Variants in IGSF3 observed in about 807,000 individuals in gnomAD.
IGSF3 encodes immunoglobulin superfamily member 3.
Under a neutral mutation model 114.4 loss-of-function variants are expected in IGSF3, and 23 were observed. The observed-to-expected ratio is 0.20, with a 90% CI of 0.14 to 0.28. The LOEUF is 0.28. Among genes scored for constraint, IGSF3 ranks in the 10% least tolerant of loss-of-function variants. The probability of loss-of-function intolerance (pLI) is 1.00; values close to 1 mark genes in which losing one functional copy is unlikely to be tolerated. For missense variants in IGSF3, 1,172 were observed against 1,591.5 expected, an observed-to-expected ratio of 0.74 and a Z score of 4.48; for synonymous variants, 571 against 645.2, an observed-to-expected ratio of 0.88 and a Z score of 1.74.
At chr1:116,613,738 C>G in intron 4 of IGSF3, 27 bp downstream of exon 4, 3 of 1,598,972 alleles carry the variant, frequency 1.9e-6, no homozygotes, top group East Asian at 2.2e-5. Flanking sequence ...AAGTAAAGGA[C>G]AGGACAAGAG....
intron 2 of IGSF3, among the ~76,000 whole-genome samples, chr1:116,645,488 C>A (rs1371052073): frequency 6.6e-6 from 1 of 152,198 alleles, no homozygotes; most frequent in African/African-American, 2.4e-5. Flanking sequence ...CTGGTGAGTT[C>A]CGTTGTATGT....
chr1:116,579,630 G>A lies in IGSF3; in HGVS notation c.3096C>T (p.Ala1032=), dbSNP rs1482057878. The change falls in exon 10 of 11, where the codon GCC becomes GCT. Residue 1032 remains alanine (A), a synonymous_variant. Transcript: ENST00000369486. The surrounding 1 kb of genome is among the most constrained non-coding windows in gnomAD (Gnocchi z 6.4). ...DDDDDPTERT[A]LLSVGPDAVF... ...CAGCATCTGGGCCCACGCTCAGCAGGGCCGTCCGCTCTGTTGGGTCGTCGT... is the reference window on the plus strand; with the variant it reads ...CAGCATCTGGGCCCACGCTCAGCAGAGCCGTCCGCTCTGTTGGGTCGTCGT... 6.2e-7 allele frequency: 1 copy of A among 1,613,616 alleles called. No homozygotes were observed. Among genetic ancestry groups the A allele is most frequent in the African/African-American group, 1.3e-5 (1 of 74,812 alleles).
chr1:116,660,692 T>C (rs542052685), intron 2 of IGSF3, among the ~76,000 whole-genome samples: 19 of 152,134 alleles, frequency 1.2e-4, no homozygotes, highest in African/African-American at 4.1e-4. Context: ...TCCACCCACC[T>C]TGGCCTCCCA....
In IGSF3 at chr1:116,577,698, AC is replaced by A; in HGVS notation, c.3335-137del. On this transcript the variant is annotated intron_variant, in intron 10 of 10. Coordinates refer to ENST00000369486, the MANE Select transcript of IGSF3 (RefSeq NM_001007237.3). The surrounding 1 kb of genome is among the most constrained non-coding windows in gnomAD (Gnocchi z 5.7). The stretch of plus-strand genomic sequence containing the variant: ...CACACCACCTTGTCTTTCCCCTGCT[AC>A]CATTAATGGTGGAAGATGACCCTTA... 1.4e-6 allele frequency: 1 copy of A among 731,792 alleles called. No individual in the cohort carries two copies. Among genetic ancestry groups the A allele is most frequent in the Non-Finnish European group, 2.3e-6 (1 of 440,056 alleles). The allele number at this position is 731,792 out of a possible 1,614,324, so 45.3% of individuals were successfully genotyped here. A position where few individuals can be genotyped will look rare whatever the true frequency, so the allele number is the denominator to read the frequency against.
Position 116,614,692 on chromosome 1 carries a change from C to A in IGSF3, c.422-517G>T, listed in dbSNP as rs1330819049. ...CTAGGAAGATGATTTTTTTAAAAAA[C>A]CATTTTTGGTAGAAAAAATAATCAT... On this transcript the variant is annotated intron_variant, in intron 3 of 10. Transcript: ENST00000369486. This position sits in a 1 kb window ranked among gnomAD's most constrained non-coding sequence, Gnocchi z 4.5. Among the ~76,000 whole-genome samples, 2 of 152,180 alleles carry A rather than the reference C, an allele frequency of 1.3e-5. No individual in the cohort carries two copies. Among genetic ancestry groups the A allele is most frequent in the South Asian group, 2.1e-4 (1 of 4,816 alleles).
chr1:116,614,132 C>A lies in IGSF3; in HGVS notation c.465G>T (p.Leu155=), dbSNP rs767544282. The A allele has an allele frequency of 1.2e-6, 2 of 1,613,694 alleles. No individual in the cohort carries two copies. The highest frequency in any genetic ancestry group is 4.5e-5 in the East Asian group (2 of 44,878). Residue 155 remains leucine (L), a synonymous_variant, in exon 4 of 11, where the codon CTG becomes CTT. Coordinates refer to ENST00000369486, the MANE Select transcript of IGSF3 (RefSeq NM_001007237.3). This position sits in a 1 kb window ranked among gnomAD's most constrained non-coding sequence, Gnocchi z 4.5. The stretch of plus-strand genomic sequence containing the variant: ...CCAGCGGGTCCTGCTCCACTCTGTG[C>A]AGAGTCTGGGGCATGGCAGTGGTCT... ...SLQTTAMPQT[L]HRVEQDPLEL...
In IGSF3 at chr1:116,666,292, G is replaced by C. The variant is rs1467130799; in HGVS notation, c.35C>G (p.Ala12Gly). The C allele has an allele frequency of 1.9e-6, 3 of 1,614,018 alleles. No homozygotes were observed. The Admixed American group carries it at 5.0e-5, about 27-fold the overall frequency. Residue 12 changes from alanine to glycine, a missense_variant, in exon 2 of 11, where the codon GCT becomes GGT. Ala to Gly is a moderately conservative substitution (Grantham distance 60, BLOSUM62 0). This residue lies in a region of IGSF3 where 736 missense variants were observed against 1,042.0 expected (regional missense o/e 0.71). Coordinates refer to ENST00000369486, the MANE Select transcript of IGSF3 (RefSeq NM_001007237.3). ...TAAGCAGAGCCACTTACCCAGCACA[G>C]CCAGACAGCTCAGCACCGGGAAAAA... Reference protein sequence around the residue: ...KCFFPVLSCLAVLGVVSAQRQ... With the variant: ...KCFFPVLSCLGVLGVVSAQRQ...
chr1:116,621,217 GC>G (rs1306368777), intron 2 of IGSF3, among the ~76,000 whole-genome samples: 2 of 152,108 alleles, frequency 1.3e-5, no homozygotes, highest in Non-Finnish European at 2.9e-5. Flanking sequence ...TCCTGTGGTT[GC>G]CCCAGAAGCC....
Position 116,649,171 on chromosome 1 carries a change from C to T in IGSF3, c.43+17113G>A, listed in dbSNP as rs1648523950. ...GTCTGGTCCTGGAAGGACAGCCCTC[C>T]CCGTCTTGGCAGCCACACTTTCTGG... is the stretch of plus-strand genomic sequence containing the variant. On this transcript the variant is annotated intron_variant, in intron 2 of 10. Coordinates refer to ENST00000369486, the MANE Select transcript of IGSF3 (RefSeq NM_001007237.3). This position sits in a 1 kb window ranked among gnomAD's most constrained non-coding sequence, Gnocchi z 4.5. Among the ~76,000 whole-genome samples, 1 of 152,264 alleles carries T rather than the reference C, an allele frequency of 6.6e-6. No homozygotes were observed. Among genetic ancestry groups the T allele is most frequent in the South Asian group, 2.1e-4 (1 of 4,836 alleles).
At chr1:116,604,067 C>G (rs747518205) in intron 5 of IGSF3, 42 bp from the exon 6 acceptor site, 1 of 1,450,744 alleles carries the variant, frequency 6.9e-7, no homozygotes, top group African/African-American at 1.4e-5. Flanking sequence ...GCTTTATGGT[C>G]TCCACAGCGC....
chr1:116,596,372 G>A lies in IGSF3; in HGVS notation c.2029+3569C>T, dbSNP rs1194198533. Among the ~76,000 whole-genome samples the A allele has an allele frequency of 6.6e-6, 1 of 152,172 alleles. No individual in the cohort carries two copies. The highest frequency in any genetic ancestry group is 1.5e-5 in the Non-Finnish European group (1 of 68,038). ...AGGGCTAAGAATCTATGTTTTGAGG[G>A]GCAAGGTACGCAGGGAGAGCAAAAG... On this transcript the variant is annotated intron_variant, in intron 7 of 10. Transcript: ENST00000369486. The surrounding 1 kb of genome is among the most constrained non-coding windows in gnomAD (Gnocchi z 4.1).
Position 116,634,272 on chromosome 1 carries a change from T to C in IGSF3, c.44-17815A>G, listed in dbSNP as rs1040321195. On this transcript the variant is annotated intron_variant, in intron 2 of 10. Transcript: ENST00000369486. This position sits in a 1 kb window ranked among gnomAD's most constrained non-coding sequence, Gnocchi z 4.2. Reference sequence around the variant, plus strand: ...AAAAAGACAAGGATAATTTTAAATTTCTCCTAATAAAACGCTGTTTAAAAA... The same window carrying C: ...AAAAAGACAAGGATAATTTTAAATTCCTCCTAATAAAACGCTGTTTAAAAA... 3.3e-5 allele frequency among the ~76,000 whole-genome samples: 5 copies of C among 152,136 alleles called. No homozygotes were observed. Among genetic ancestry groups the C allele is most frequent in the African/African-American group, 1.2e-4 (5 of 41,422 alleles).
chr1:116,600,277 G>A lies in IGSF3; in HGVS notation c.1693C>T (p.Gln565Ter). The A allele has an allele frequency of 6.2e-7, 1 of 1,613,822 alleles. No homozygotes were observed. Reference protein sequence around the residue: ...GVTYSDSFDLQCIIKPHYPAW... With the variant: ...GVTYSDSFDL ...GGGTAGTGGGGTTTGATGATACACT[G>A]CAAGTCAAAGGAGTCGCTGTAGGTC... The change falls in exon 7 of 11, where the codon CAG (glutamine) becomes TAG (stop). Residue 565 changes from glutamine (Q) to a stop codon, truncating the protein, a stop_gained. Coordinates refer to ENST00000369486, the MANE Select transcript of IGSF3 (RefSeq NM_001007237.3). LOFTEE classifies it high-confidence loss of function. This position sits in a 1 kb window ranked among gnomAD's most constrained non-coding sequence, Gnocchi z 5.5.
rs1160123386 is a variant in IGSF3 at position 116,636,087 on chromosome 1, T to C, written c.44-19630A>G. 6.6e-6 allele frequency among the ~76,000 whole-genome samples: 1 copy of C among 152,138 alleles called. No homozygotes were observed. ...CCAGAACAACTGTCTTCCTCACAGG[T>C]GCCAGCCATCACCCCGACCACACCC... On this transcript the variant is annotated intron_variant, in intron 2 of 10. Coordinates refer to ENST00000369486, the MANE Select transcript of IGSF3 (RefSeq NM_001007237.3). The surrounding 1 kb of genome is among the most constrained non-coding windows in gnomAD (Gnocchi z 4.5).
rs1355711277 is a variant in IGSF3, at chr1:116,584,807, G to A, written c.2686C>T (p.Pro896Ser). The A allele has an allele frequency of 6.2e-7, 1 of 1,614,240 alleles. No homozygotes were observed. The highest frequency in any genetic ancestry group is 1.1e-5 in the South Asian group (1 of 91,086). ...NLKGRLHLES[P>S]SPGVYRLFIQ... ...AAGAGACGGTACACGCCGGGGGAAG[G>A]ACTCTCCAAATGCAGCCGCCCCTTC... Residue 896 changes from proline (P) to serine (S), a missense_variant, in exon 9 of 11, where the codon CCT (proline) becomes TCT (serine). Physicochemically the swap from Pro to Ser is moderately conservative, Grantham distance 74. Transcript: ENST00000369486. The surrounding 1 kb of genome is among the most constrained non-coding windows in gnomAD (Gnocchi z 5.8).
chr1:116,637,350 C>T (rs1229813106), intron 2 of IGSF3, among the ~76,000 whole-genome samples: 1 of 152,206 alleles, frequency 6.6e-6, no homozygotes, highest in Admixed American at 6.5e-5. Context: ...TGAGCACATA[C>T]TAGGCCTGGA....
chr1:116,580,078 C>T (rs992903540), intron 9 of IGSF3, among the ~76,000 whole-genome samples: 3 of 152,106 alleles, frequency 2.0e-5, no homozygotes, highest in African/African-American at 7.2e-5. Flanking sequence ...TGTTACTGTC[C>T]ATGTCATTGT....
chr1:116,588,196 A>G lies in IGSF3; in HGVS notation c.2440+498T>C, dbSNP rs1347883018. ...GAATAAGGGCTACACCATGGGATCA[A>G]GGAAGGGCCAGAGGAGGAATGATTC... On this transcript the variant is annotated intron_variant, in intron 8 of 10. Coordinates refer to ENST00000369486, the MANE Select transcript of IGSF3 (RefSeq NM_001007237.3). The surrounding 1 kb of genome is among the most constrained non-coding windows in gnomAD (Gnocchi z 4.9). Among the ~76,000 whole-genome samples the G allele has an allele frequency of 6.6e-6, 1 of 152,132 alleles. No homozygotes were observed. Among genetic ancestry groups the G allele is most frequent in the Non-Finnish European group, 1.5e-5 (1 of 68,012 alleles).
chr1:116,578,223 CT>C (rs1451991148), intron 10 of IGSF3, among the ~76,000 whole-genome samples: 5 of 152,190 alleles, frequency 3.3e-5, no homozygotes, highest in Non-Finnish European at 5.9e-5. Flanking sequence ...CTGGGAGCCC[CT>C]GTTTTCTCTG....
Sources: allele counts gnomAD v4.1 joint callset (sites outside exome capture counted in the v4.1 genomes callset), GRCh38; gene constraint gnomAD v4.1.1; regional missense constraint gnomAD v4.1.1; non-coding constraint Gnocchi (gnomAD v3.1); transcripts MANE v1.5; gene names NCBI Gene and HGNC (gene_info 2026-07-23, HGNC 2026-07-21).